Variants in ARID1B observed in about 807,000 individuals in gnomAD.
ARID1B encodes the protein AT-rich interactive domain-containing protein 1B.
A neutral mutation model predicts 212.3 loss-of-function variants in ARID1B; 30 were observed. The ratio of observed to expected loss-of-function variants is 0.14; its 90% CI spans 0.11 to 0.19. ARID1B has a LOEUF of 0.19. Among genes scored for constraint, ARID1B ranks in the 10% least tolerant of loss-of-function variants. The probability of loss-of-function intolerance (pLI) is 1.00; values close to 1 mark genes in which losing one functional copy is unlikely to be tolerated. For missense variants in ARID1B, 2,891 were observed against 3,204.0 expected, an observed-to-expected ratio of 0.90 and a Z score of 2.36; for synonymous variants, 1,402 against 1,301.7, an observed-to-expected ratio of 1.08 and a Z score of -1.66.
At chr6:156,820,253 A>G (rs889549884) in intron 1 of ARID1B, among the ~76,000 whole-genome samples, 11 of 152,090 alleles carry the variant, frequency 7.2e-5, no homozygotes, top group African/African-American at 2.7e-4. Flanking sequence ...GGAGACTAGA[A>G]GGGTCTTTAC....
chr6:157,128,715 C>T (rs1262080941), intron 6 of ARID1B, among the ~76,000 whole-genome samples: 2 of 151,990 alleles, frequency 1.3e-5, no homozygotes, highest in Admixed American at 1.3e-4. Flanking sequence ...AGAGAGAGAG[C>T]GTGACCAATA....
intron 2 of ARID1B, among the ~76,000 whole-genome samples, chr6:156,861,161 A>G (rs1282577959): frequency 6.6e-6 from 1 of 152,164 alleles, no homozygotes; most frequent in East Asian, 1.9e-4. Flanking sequence ...TGAAGGAACA[A>G]CAGGACTCTG....
At chr6:157,161,808 G>A (rs1283700307) in intron 8 of ARID1B, among the ~76,000 whole-genome samples, 1 of 152,186 alleles carries the variant, frequency 6.6e-6, no homozygotes, top group Non-Finnish European at 1.5e-5. Context: ...TGTTAGCCTA[G>A]TTTATGTTGT....
At chr6:157,083,272 A>G (rs1784747064) in intron 4 of ARID1B, among the ~76,000 whole-genome samples, 1 of 152,230 alleles carries the variant, frequency 6.6e-6, no homozygotes. Context: ...GCATAACCAG[A>G]TATTTCTGAC....
chr6:156,898,130 G>C (rs1022214429), intron 2 of ARID1B, among the ~76,000 whole-genome samples: 5 of 152,148 alleles, frequency 3.3e-5, no homozygotes, highest in African/African-American at 1.2e-4. Flanking sequence ...CGAGCTACCA[G>C]TGCTCTATGT....
chr6:156,870,909 A>G (rs555595510), intron 2 of ARID1B, among the ~76,000 whole-genome samples: 1 of 152,248 alleles, frequency 6.6e-6, no homozygotes, highest in African/African-American at 2.4e-5. Flanking sequence ...TCTGTATCCA[A>G]AAATGTCCTA....
chr6:157,069,303 T>C (rs1783870924), intron 4 of ARID1B, among the ~76,000 whole-genome samples: 1 of 152,224 alleles, frequency 6.6e-6, no homozygotes, highest in African/African-American at 2.4e-5. Context: ...TTGCATTTAC[T>C]ATTTATTGCT....
chr6:157,101,356 A>T (rs1786038470), intron 5 of ARID1B, among the ~76,000 whole-genome samples: 1 of 152,180 alleles, frequency 6.6e-6, no homozygotes, highest in Non-Finnish European at 1.5e-5. Context: ...AGCATTCCTC[A>T]TTTCTTCTCA....
intron 2 of ARID1B, among the ~76,000 whole-genome samples, chr6:156,891,913 C>T (rs1176791426): frequency 6.6e-6 from 1 of 151,038 alleles, no homozygotes; most frequent in Non-Finnish European, 1.5e-5. Context: ...ACACTTTCCC[C>T]CGGGCTGGAG....
intron 2 of ARID1B, among the ~76,000 whole-genome samples, chr6:156,836,366 G>T (rs1328417383): frequency 6.6e-6 from 1 of 152,118 alleles, no homozygotes; most frequent in Non-Finnish European, 1.5e-5. Flanking sequence ...TTAGAGGGAG[G>T]CTACGTGGGC....
intron 4 of ARID1B, among the ~76,000 whole-genome samples, chr6:156,950,609 G>A (rs1252582369): frequency 6.6e-6 from 1 of 152,126 alleles, no homozygotes; most frequent in Non-Finnish European, 1.5e-5. Flanking sequence ...ATTTTGCGGG[G>A]GGGTAACAAC....
chr6:157,012,624 G>A (rs1434224527), intron 4 of ARID1B, among the ~76,000 whole-genome samples: 1 of 152,162 alleles, frequency 6.6e-6, no homozygotes, highest in South Asian at 2.1e-4. Flanking sequence ...AACACCCAGG[G>A]GGCAAGAGAC....
At chr6:157,034,191 A>G (rs571624929) in intron 4 of ARID1B, among the ~76,000 whole-genome samples, 7 of 152,370 alleles carry the variant, frequency 4.6e-5, no homozygotes, top group Non-Finnish European at 8.8e-5. Flanking sequence ...TGGATACTTA[A>G]ATACATTTCA....
chr6:157,142,394 C>A (rs943183584), intron 7 of ARID1B, among the ~76,000 whole-genome samples: 1 of 152,056 alleles, frequency 6.6e-6, no homozygotes, highest in African/African-American at 2.4e-5. Context: ...GGGAGGCCCG[C>A]GCGGGTATAT....
chr6:157,061,182 T>C (rs1485992293), intron 4 of ARID1B, among the ~76,000 whole-genome samples: 1 of 152,258 alleles, frequency 6.6e-6, no homozygotes, highest in Non-Finnish European at 1.5e-5. Flanking sequence ...GTCTTTCTTA[T>C]ACATTTTATC....
chr6:156,852,073 C>T (rs1035438180), intron 2 of ARID1B, among the ~76,000 whole-genome samples: 8 of 151,940 alleles, frequency 5.3e-5, no homozygotes, highest in East Asian at 1.9e-4. Context: ...ATAGGGACTT[C>T]GAATCAGAAT....
intron 2 of ARID1B, among the ~76,000 whole-genome samples, chr6:156,899,348 G>T (rs6939025): frequency 1.3e-5 from 2 of 152,178 alleles, no homozygotes; most frequent in African/African-American, 4.8e-5. Flanking sequence ...ACAGCTGACC[G>T]GGTCCAGTTG....
chr6:156,877,197 G>A (rs1196769891), intron 2 of ARID1B, among the ~76,000 whole-genome samples: 1 of 152,170 alleles, frequency 6.6e-6, no homozygotes, highest in Admixed American at 6.5e-5. Flanking sequence ...TTATTCTCCT[G>A]CTTAAAGTTC....
intron 2 of ARID1B, among the ~76,000 whole-genome samples, chr6:156,852,236 C>T (rs1196080534): frequency 1.3e-5 from 2 of 151,916 alleles, no homozygotes; most frequent in African/African-American, 4.8e-5. Flanking sequence ...TTGCCTGAGG[C>T]CAGAAGTTTG....
Sources: allele counts gnomAD v4.1 joint callset (sites outside exome capture counted in the v4.1 genomes callset), GRCh38; gene constraint gnomAD v4.1.1; transcripts MANE v1.5; gene names NCBI Gene and HGNC (gene_info 2026-07-23, HGNC 2026-07-21).